ZNF790: variants seen among roughly 807,000 people sequenced by gnomAD.
ZNF790 encodes zinc finger protein 790.
In ZNF790, 8 loss-of-function variants were observed where a neutral mutation model predicts 12.1. That is an observed-to-expected ratio of 0.66 (90% CI 0.39 to 1.19). The LOEUF is 1.19. Among genes scored for constraint, ZNF790 ranks in the 50% most tolerant of loss-of-function variants. The pLI, the probability that ZNF790 is intolerant of heterozygous loss-of-function variation, is 0.01. For missense variants in ZNF790, 707 were observed against 752.2 expected, an observed-to-expected ratio of 0.94 and a Z score of 0.70; for synonymous variants, 252 against 244.3, an observed-to-expected ratio of 1.03 and a Z score of -0.29.
At chr19:36,846,470 CAGA>C (rs1484532412) in intron 1 of ZNF790, among the ~76,000 whole-genome samples, 1 of 152,134 alleles carries the variant, frequency 6.6e-6, no homozygotes, top group South Asian at 2.1e-4. Flanking sequence ...GAGGCTGAGG[CAGA>C]AGAATTCTTG....
chr19:36,827,141 C>CACACACACACACACAT lies in ZNF790; in HGVS notation c.-73-1450_-73-1449insATGTGTGTGTGTGTGT, dbSNP rs1313807327. 2.0e-3 allele frequency among the ~76,000 whole-genome samples: 172 copies of CACACACACACACACAT among 84,412 alleles called. 3 individuals are homozygous for CACACACACACACACAT. The highest frequency in any genetic ancestry group is 0.012 in the Middle Eastern group (2 of 162). 55.4% of individuals were successfully genotyped at this position (84,412 alleles called of 152,430 possible). A position where few individuals can be genotyped will look rare whatever the true frequency, so the allele number is the denominator to read the frequency against. ...ATACACACACACACACACACACACA[C>CACACACACACACACAT]ATATATATATATATATATATATATA... is the stretch of plus-strand genomic sequence containing the variant. On this transcript the variant is annotated intron_variant, in intron 1 of 4. Transcript: ENST00000356725.
intron 1 of ZNF790, among the ~76,000 whole-genome samples, chr19:36,834,894 A>G (rs1296183641): frequency 6.6e-6 from 1 of 152,270 alleles, no homozygotes; most frequent in Non-Finnish European, 1.5e-5. Flanking sequence ...GATCTTGAGC[A>G]TGCTAAAGCC....
At position 36,823,388 on chromosome 19, in the gene ZNF790, G is replaced by T; in HGVS notation, c.134-8C>A. ...GCTGATAAATGCAAAAACCTGCCCA[G>T]AAGATGAGAAACAGCAAAGAACCAC... On this transcript the variant is annotated splice_region_variant and splice_polypyrimidine_tract_variant and intron_variant, in intron 3 of 4. Transcript: ENST00000356725. 6.2e-7 allele frequency: 1 copy of T among 1,612,458 alleles called. No homozygotes were observed. The highest frequency in any genetic ancestry group is 8.5e-7 in the Non-Finnish European group (1 of 1,179,166).
intron 1 of ZNF790, among the ~76,000 whole-genome samples, chr19:36,847,487 C>G: frequency 6.6e-6 from 1 of 151,714 alleles, no homozygotes; most frequent in East Asian, 1.9e-4. Flanking sequence ...GAGCCCTTCA[C>G]GCCTGTAATC....
rs1335033498 is a variant in ZNF790 at position 36,848,752 on chromosome 19, TG to T, written c.-74+1249del. Among the ~76,000 whole-genome samples, 5 of 151,542 alleles carry T rather than the reference TG, an allele frequency of 3.3e-5. No individual in the cohort carries two copies. The South Asian group carries it at 6.3e-4, about 19-fold the overall frequency. ...AGTTCCCCCATACAGAGATGGGGGT[TG>T]GGGGGGTGGTGGCTCCAAAGCCGAA... On this transcript the variant is annotated intron_variant, in intron 1 of 4. Coordinates refer to the ZNF790 transcript ENST00000528994.
chr19:36,841,562 G>C (rs1193867277), upstream of ZNF790, among the ~76,000 whole-genome samples: 1 of 151,948 alleles, frequency 6.6e-6, no homozygotes, highest in Non-Finnish European at 1.5e-5. Flanking sequence ...GGAGGTTGCA[G>C]TGAGCTGAGA....
At chr19:36,822,950 A>G (rs779316301) in intron 4 of ZNF790, among the ~76,000 whole-genome samples, 1 of 151,976 alleles carries the variant, frequency 6.6e-6, no homozygotes, top group African/African-American at 2.4e-5. Context: ...TCCCTGGTTC[A>G]ACAATTCTCC....
At chr19:36,847,326 G>A (rs1447184404) in intron 1 of ZNF790, among the ~76,000 whole-genome samples, 1 of 152,052 alleles carries the variant, frequency 6.6e-6, no homozygotes, top group South Asian at 2.1e-4. Flanking sequence ...ACTCCAGCCT[G>A]GGCAATACAG....
chr19:36,821,984 T>C (rs1014485924), intron 4 of ZNF790, among the ~76,000 whole-genome samples: 2 of 152,240 alleles, frequency 1.3e-5, no homozygotes, highest in Admixed American at 6.5e-5. Flanking sequence ...GAAACTGTTA[T>C]CACCTGTTAC....
intron 1 of ZNF790, among the ~76,000 whole-genome samples, chr19:36,833,740 A>G (rs1487847074): frequency 6.6e-6 from 1 of 152,208 alleles, no homozygotes; most frequent in African/African-American, 2.4e-5. Flanking sequence ...AATTTATATG[A>G]GGAAAACAAA....
intron 2 of ZNF790, among the ~76,000 whole-genome samples, chr19:36,824,371 A>G (rs946383843): frequency 4.0e-5 from 6 of 151,870 alleles, no homozygotes; most frequent in Non-Finnish European, 8.8e-5. Context: ...CAGTGGTGCA[A>G]TCTCGACTCA....
Position 36,825,487 on chromosome 19 carries a change from C to T in ZNF790, c.9+124G>A, listed in dbSNP as rs929024710. ...ATCTAGGGAAAGCATTGGACTGTTTCACAGTCATTACTTATGACACTCAAT... is the reference window on the plus strand; with the variant it reads ...ATCTAGGGAAAGCATTGGACTGTTTTACAGTCATTACTTATGACACTCAAT... On this transcript the variant is annotated intron_variant, in intron 2 of 4. Coordinates refer to ENST00000356725, the MANE Select transcript of ZNF790 (RefSeq NM_206894.4). 6 of 1,040,882 alleles carry T rather than the reference C, an allele frequency of 5.8e-6. No homozygotes were observed. In the African/African-American group the frequency reaches 9.4e-5, roughly 16 times the overall value. 64.5% of individuals were successfully genotyped at this position (1,040,882 alleles called of 1,614,324 possible).
intron 4 of ZNF790, among the ~76,000 whole-genome samples, chr19:36,821,306 C>T (rs2071666702): frequency 1.3e-5 from 2 of 152,080 alleles, no homozygotes; most frequent in South Asian, 4.1e-4. Flanking sequence ...AGATGACAAA[C>T]TGCAGTTTCA....
upstream of ZNF790, among the ~76,000 whole-genome samples, chr19:36,843,002 CA>C (rs59705640): frequency 0.13 from 8,496 of 65,488 alleles, 416 homozygotes; most frequent in African/African-American, 0.33. Flanking sequence ...GACTCCATCT[CA>C]AAAAAAAAAA....
chr19:36,821,399 A>AC (rs2071668226), intron 4 of ZNF790, among the ~76,000 whole-genome samples: 1 of 152,098 alleles, frequency 6.6e-6, no homozygotes, highest in Admixed American at 6.5e-5. Context: ...TTTTCATATT[A>AC]TAAAAAGGAA....
rs554979346 is a variant in ZNF790 at position 36,822,392 on chromosome 19, G to A, written c.229+893C>T. 4.6e-5 allele frequency among the ~76,000 whole-genome samples: 7 copies of A among 152,224 alleles called. No individual in the cohort carries two copies. The East Asian group carries it at 1.2e-3, about 25-fold the overall frequency. On this transcript the variant is annotated intron_variant, in intron 4 of 4. Coordinates refer to ENST00000356725, the MANE Select transcript of ZNF790 (RefSeq NM_206894.4). ...ATAAGGGCCACTGGAGAAAAGAATG[G>A]CACTTACCTTTTTGTTACATGAGTG...
At chr19:36,825,804 G>A (rs2071784252) in intron 1 of ZNF790, 112 bp from the exon 2 acceptor site, 2 of 657,084 alleles carry the variant, frequency 3.0e-6, no homozygotes, top group Non-Finnish European at 5.4e-6. Context: ...AAGAAATCCT[G>A]GCCCTATCCA....
At chr19:36,825,939 T>C (rs1161722035) in intron 1 of ZNF790, among the ~76,000 whole-genome samples, 1 of 152,194 alleles carries the variant, frequency 6.6e-6, no homozygotes. Flanking sequence ...CATACATACC[T>C]ACATTAACAT....
chr19:36,818,128 A>G lies in ZNF790; in HGVS notation c.*305T>C, dbSNP rs1299723872. 5.5e-6 allele frequency: 1 copy of G among 183,140 alleles called. No individual in the cohort carries two copies. The highest frequency in any genetic ancestry group is 1.1e-5 in the Non-Finnish European group (1 of 87,128). 11.3% of individuals were successfully genotyped at this position (183,140 alleles called of 1,614,324 possible). ...GTGAGCCACCATGCTTGGCCAAATT[A>G]TATATAAATTCTTTATGCAACATCT... On this transcript the variant is annotated 3_prime_UTR_variant, in exon 5 of 5. Coordinates refer to ENST00000356725, the MANE Select transcript of ZNF790 (RefSeq NM_206894.4).
Sources: allele counts gnomAD v4.1 joint callset (sites outside exome capture counted in the v4.1 genomes callset), GRCh38; gene constraint gnomAD v4.1.1; transcripts MANE v1.5; gene names NCBI Gene and HGNC (gene_info 2026-07-23, HGNC 2026-07-21).